The following NUP155 variants were observed in gnomAD, a reference collection of about 807,000 sequenced individuals.
The protein encoded by NUP155 is nucleoporin 155, also known as nuclear pore complex protein Nup155.
NUP155 carries 71 observed loss-of-function variants against 180.4 expected under a neutral mutation model. The ratio of observed to expected loss-of-function variants is 0.39; its 90% CI spans 0.33 to 0.48. NUP155 has a LOEUF of 0.48. Ranked by LOEUF, NUP155 falls within the 20% of genes least tolerant of loss-of-function variation. The pLI, the probability that NUP155 is intolerant of heterozygous loss-of-function variation, is 0.91. For synonymous variants in NUP155, 582 were observed against 559.5 expected (o/e 1.04, Z -0.57); for missense variants, 1,553 against 1,648.9 (o/e 0.94, Z 1.01).
At chr5:37,347,417 T>C (rs528696558) in intron 9 of NUP155, among the ~76,000 whole-genome samples, 83 of 151,820 alleles carry the variant, frequency 5.5e-4, no homozygotes, top group Non-Finnish European at 9.3e-4. Context: ...AGTCTCAAGC[T>C]GGGCACGGTG....
At chr5:37,302,523 T>C (rs559808423) in intron 29 of NUP155, among the ~76,000 whole-genome samples, 1 of 152,334 alleles carries the variant, frequency 6.6e-6, no homozygotes, top group South Asian at 2.1e-4. Flanking sequence ...CGTGAGCCAC[T>C]GCACCCAGCT....
At chr5:37,309,035 G>C (rs546484721) in intron 24 of NUP155, 94 bp downstream of exon 24, 2 of 1,310,062 alleles carry the variant, frequency 1.5e-6, no homozygotes, top group Non-Finnish European at 2.2e-6. Flanking sequence ...TTTGCATCTG[G>C]AAAGTGGCTT....
Position 37,314,812 on chromosome 5 carries a change from TAAAAG to T in NUP155, c.2306-489_2306-485del, listed in dbSNP as rs568169951. On this transcript the variant is annotated intron_variant, in intron 21 of 34. Coordinates refer to ENST00000231498, the MANE Select transcript of NUP155 (RefSeq NM_153485.3). ...GAGCAAGACTCCATCTCCAAAAAAA[TAAAAG>T]AGAGACAAAAAATTTAAAAGATAGT... Among the ~76,000 whole-genome samples the T allele has an allele frequency of 1.2e-4, 18 of 151,358 alleles. No homozygotes were observed. In the South Asian group the frequency reaches 3.8e-3, roughly 32 times the overall value.
chr5:37,306,733 G>A (rs953691244), intron 25 of NUP155, among the ~76,000 whole-genome samples: 8 of 151,998 alleles, frequency 5.3e-5, no homozygotes, highest in African/African-American at 1.9e-4. Context: ...CCAAAGTGCT[G>A]GGATTACAGG....
At chr5:37,330,300 TG>T (rs1744874236) in intron 14 of NUP155, among the ~76,000 whole-genome samples, 168 bp from the exon 15 acceptor site, 1 of 152,236 alleles carries the variant, frequency 6.6e-6, no homozygotes, top group Admixed American at 6.5e-5. Flanking sequence ...TAAACACTAC[TG>T]GTTTTAAGTT....
chr5:37,347,314 T>C (rs1014301819), intron 9 of NUP155, among the ~76,000 whole-genome samples: 6 of 134,296 alleles, frequency 4.5e-5, no homozygotes, highest in Admixed American at 2.8e-4. Flanking sequence ...ATGATCCCTA[T>C]GTAAAGTTGC....
chr5:37,337,965 A>C (rs1208751580), intron 11 of NUP155, 47 bp from the exon 12 acceptor site: 1 of 1,107,358 alleles, frequency 9.0e-7, no homozygotes, highest in Admixed American at 1.8e-5. Flanking sequence ...TCAAATATGC[A>C]TCCTCAATAA....
At position 37,333,460 on chromosome 5, in the gene NUP155, C is replaced by T. The variant is rs371467096; in HGVS notation, c.1518+3G>A. ...TCACTACCATAACAGAATACGTACA[C>T]ACCTGTGCTGAGAGGAGAACAAATT... On this transcript the variant is annotated splice_donor_region_variant and intron_variant, in intron 13 of 34. Transcript: ENST00000231498. 33 of 1,613,270 alleles carry T rather than the reference C, an allele frequency of 2.0e-5. No homozygotes were observed. Among genetic ancestry groups the T allele is most frequent in the Admixed American group, 3.3e-5 (2 of 59,990 alleles).
intron 28 of NUP155, 118 bp from the exon 29 acceptor site, chr5:37,303,026 GAAAAAAAATCATTAGATTTA>G (rs1225027604): frequency 2.9e-5 from 35 of 1,205,510 alleles, no homozygotes; most frequent in Non-Finnish European, 4.1e-5. Flanking sequence ...TCTGAAACTT[GAAAAAAAATCATTAGATTTA>G]AAAAAAAATC....
intron 19 of NUP155, 58 bp from the exon 20 acceptor site, chr5:37,324,165 T>G: frequency 5.1e-6 from 5 of 986,276 alleles, no homozygotes; most frequent in Non-Finnish European, 8.1e-6. Flanking sequence ...ATAGCTATAA[T>G]ATAAACAATT....
chr5:37,329,951 G>T, intron 15 of NUP155, 87 bp downstream of exon 15: 2 of 942,842 alleles, frequency 2.1e-6, no homozygotes, highest in Non-Finnish European at 3.4e-6. Context: ...TCAACTGTTT[G>T]GCAAGGCTTT....
Position 37,324,191 on chromosome 5 carries a change from G to GT in NUP155, c.2092-85dup, listed in dbSNP as rs1744432261. 5 of 813,422 alleles carry GT rather than the reference G, an allele frequency of 6.1e-6. No individual in the cohort carries two copies. The East Asian group carries it at 1.3e-4, about 22-fold the overall frequency. The allele number at this position is 813,422 out of a possible 1,614,324, so 50.4% of individuals were successfully genotyped here. A position where few individuals can be genotyped will look rare whatever the true frequency, so the allele number is the denominator to read the frequency against. On this transcript the variant is annotated intron_variant, in intron 19 of 34. Coordinates refer to ENST00000231498, the MANE Select transcript of NUP155 (RefSeq NM_153485.3). ...ATAAACAATTTTAATTTTGAAATGA[G>GT]TATCTCTATAGTTATTTCTTGTATC...
At chr5:37,313,915 T>C (rs1385332887) in intron 22 of NUP155, among the ~76,000 whole-genome samples, 1 of 152,184 alleles carries the variant, frequency 6.6e-6, no homozygotes, top group Non-Finnish European at 1.5e-5. Flanking sequence ...TATCAGATTC[T>C]CAGAAGAACC....
chr5:37,302,084 G>T (rs189637817), intron 29 of NUP155, among the ~76,000 whole-genome samples: 2 of 152,086 alleles, frequency 1.3e-5, no homozygotes, highest in African/African-American at 2.4e-5. Context: ...ACAAACTTTT[G>T]TATTTGGACG....
chr5:37,362,853 G>A (rs1465734989), intron 3 of NUP155, among the ~76,000 whole-genome samples: 2 of 152,088 alleles, frequency 1.3e-5, no homozygotes, highest in African/African-American at 4.8e-5. Flanking sequence ...AAATGGTTTC[G>A]TTTAAGCTAT....
intron 21 of NUP155, among the ~76,000 whole-genome samples, chr5:37,314,663 C>T (rs767362150): frequency 7.2e-5 from 11 of 151,752 alleles, no homozygotes; most frequent in Non-Finnish European, 1.3e-4. Flanking sequence ...CGGTAAAACT[C>T]GGTCTCTACT....
chr5:37,323,152 G>A (rs562419181), intron 20 of NUP155, among the ~76,000 whole-genome samples: 11 of 151,946 alleles, frequency 7.2e-5, no homozygotes, highest in African/African-American at 2.7e-4. Flanking sequence ...GGGCATGGTG[G>A]TGCACATCTG....
At chr5:37,347,766 C>T (rs985593885) in intron 9 of NUP155, among the ~76,000 whole-genome samples, 6 of 151,064 alleles carry the variant, frequency 4.0e-5, no homozygotes, top group Non-Finnish European at 7.4e-5. Flanking sequence ...TTTTGGGAGG[C>T]GTGGTGGGTA....
At chr5:37,309,070 T>C (rs1743358530) in intron 24 of NUP155, 59 bp downstream of exon 24, 3 of 1,568,194 alleles carry the variant, frequency 1.9e-6, no homozygotes, top group East Asian at 2.2e-5. Flanking sequence ...GCTTCATTCA[T>C]ACACTATTGT....
Sources: gnomAD v4.1 joint callset for allele counts (sites outside exome capture counted in the v4.1 genomes callset) on GRCh38, gnomAD v4.1.1 for gene constraint, MANE v1.5 for transcripts, NCBI Gene and HGNC (gene_info 2026-07-23, HGNC 2026-07-21) for gene names.